The following TRANK1 variants were observed in gnomAD, a reference collection of about 807,000 sequenced individuals.
TRANK1 encodes tetratricopeptide repeat and ankyrin repeat containing 1.
A neutral mutation model predicts 266.0 loss-of-function variants in TRANK1; 198 were observed. The ratio of observed to expected loss-of-function variants is 0.74; its 90% CI spans 0.66 to 0.84. The LOEUF is 0.84. Ranked by LOEUF, TRANK1 falls within the 40% of genes least tolerant of loss-of-function variation. The pLI is 0.00. For synonymous variants in TRANK1, 1,396 were observed against 1,384.1 expected, an observed-to-expected ratio of 1.01 and a Z score of -0.19; for missense variants, 3,326 against 3,634.6, an observed-to-expected ratio of 0.92 and a Z score of 2.18.
At chr3:36,847,730 T>A (rs748507256) in intron 15 of TRANK1, among the ~76,000 whole-genome samples, 7 of 152,236 alleles carry the variant, frequency 4.6e-5, no homozygotes, top group Non-Finnish European at 1.0e-4. Context: ...GCCGTTAAGA[T>A]ACATGTGGCA....
At chr3:36,897,568 C>T (rs2079811218) in intron 4 of TRANK1, among the ~76,000 whole-genome samples, 1 of 152,192 alleles carries the variant, frequency 6.6e-6, no homozygotes, top group Non-Finnish European at 1.5e-5. Flanking sequence ...AAGTTGCTTT[C>T]CCACAACTGC....
chr3:36,830,319 TA>T (rs1284824798), intron 22 of TRANK1, among the ~76,000 whole-genome samples: 1,587 of 134,082 alleles, frequency 0.012, 15 homozygotes, highest in African/African-American at 0.036. Context: ...CATCTCTATT[TA>T]AAAAAAAAAA....
intron 18 of TRANK1, among the ~76,000 whole-genome samples, chr3:36,840,071 C>T (rs529259347): frequency 2.6e-5 from 4 of 152,010 alleles, no homozygotes; most frequent in Admixed American, 6.6e-5. Flanking sequence ...ATTTTTAAAG[C>T]GATAAATAAT....
At position 36,832,614 on chromosome 3, in the gene TRANK1, G is replaced by A. The variant is rs754646442; in HGVS notation, c.6969C>T (p.Arg2323=). The change falls in exon 22 of 24, where the codon CGC becomes CGT. Residue 2323 remains arginine, a synonymous_variant. Transcript: ENST00000645898. ...FLFENESARN[R]RESTDLWLSA... ...TCAGCCACAGGTCTGTGGATTCCCG[G>A]CGGTTGCGTGCGCTTTCATTTTCAA... The A allele has an allele frequency of 3.7e-6, 6 of 1,614,014 alleles. No individual in the cohort carries two copies. In the Admixed American group the frequency reaches 8.3e-5, roughly 22 times the overall value.
intron 18 of TRANK1, among the ~76,000 whole-genome samples, chr3:36,841,059 A>G (rs2078836834): frequency 6.6e-6 from 1 of 152,240 alleles, no homozygotes; most frequent in Non-Finnish European, 1.5e-5. Context: ...TTCTCCAGGC[A>G]TGTCAGATCA....
chr3:36,879,901 TGTAA>T (rs2079484703), intron 8 of TRANK1, among the ~76,000 whole-genome samples: 2 of 77,788 alleles, frequency 2.6e-5, no homozygotes, highest in Non-Finnish European at 4.5e-5. Flanking sequence ...TGCAAATATA[TGTAA>T]ACATGCAAAT....
Position 36,856,806 on chromosome 3 carries a change from C to A in TRANK1, c.2916G>T (p.Lys972Asn). Residue 972 changes from lysine to asparagine, a missense_variant, in exon 13 of 24, where the codon AAG becomes AAT. Lys to Asn is a moderately conservative substitution (Grantham distance 94). Coordinates refer to ENST00000645898, the MANE Select transcript of TRANK1 (RefSeq NM_001329998.2). Reference sequence around the variant, plus strand: ...GGCCTTTATTGATACCTTTCAGCTTCTTCCGCAGGACACAGGACAAGCCCC... The same window carrying A: ...GGCCTTTATTGATACCTTTCAGCTTATTCCGCAGGACACAGGACAAGCCCC... ...YNRGLSCVLR[K>N]KLKGINKGQV... The A allele has an allele frequency of 6.2e-7, 1 of 1,614,016 alleles. No individual in the cohort carries two copies. Among genetic ancestry groups the A allele is most frequent in the Non-Finnish European group, 8.5e-7 (1 of 1,179,898 alleles).
In TRANK1 at chr3:36,858,858, G is replaced by C; in HGVS notation, c.1532C>G (p.Pro511Arg). The C allele has an allele frequency of 6.5e-7, 1 of 1,537,066 alleles. No homozygotes were observed. The highest frequency in any genetic ancestry group is 8.7e-7 in the Non-Finnish European group (1 of 1,146,782). The change falls in exon 12 of 24, where the codon CCA (proline) becomes CGA (arginine). Residue 511 changes from proline (P) to arginine (R), a missense_variant. Coordinates refer to ENST00000645898, the MANE Select transcript of TRANK1 (RefSeq NM_001329998.2). ...PDGLQESQER[P>R]VVTCLKHEDF... is the part of the protein sequence containing the mutation. ...CTCATGTTTCAGGCACGTGACAACT[G>C]GCCTCTCCTGGCTCTCCTGAAGACC...
chr3:36,900,396 C>T lies in TRANK1; in HGVS notation c.283-1137G>A, dbSNP rs116145482. ...AGTTCTACATTATAAGCAATATTCA[C>T]GAGAGGCCAAAGAAATATTTGATTT... On this transcript the variant is annotated intron_variant, in intron 3 of 23. Coordinates refer to ENST00000645898, the MANE Select transcript of TRANK1 (RefSeq NM_001329998.2). 2.3e-3 allele frequency among the ~76,000 whole-genome samples: 355 copies of T among 151,962 alleles called. 4 individuals carry two copies. The highest frequency in any genetic ancestry group is 6.2e-3 in the African/African-American group (258 of 41,398).
At chr3:36,877,676 G>C (rs2079409126) in intron 8 of TRANK1, among the ~76,000 whole-genome samples, 1 of 152,202 alleles carries the variant, frequency 6.6e-6, no homozygotes, top group African/African-American at 2.4e-5. Flanking sequence ...AGAATGTACA[G>C]TGTACCTACA....
In TRANK1 at chr3:36,855,952, A is replaced by G; in HGVS notation, c.3770T>C (p.Leu1257Pro). The G allele has an allele frequency of 6.2e-7, 1 of 1,613,572 alleles. No individual in the cohort carries two copies. Among genetic ancestry groups the G allele is most frequent in the Non-Finnish European group, 8.5e-7 (1 of 1,179,854 alleles). The change falls in exon 13 of 24, where the codon CTG becomes CCG. Residue 1257 changes from leucine to proline, a missense_variant. Physicochemically the swap from Leu to Pro is moderately conservative, Grantham distance 98. Coordinates refer to ENST00000645898, the MANE Select transcript of TRANK1 (RefSeq NM_001329998.2). ...GTTTCTCAGAAAAAATGGTTTGGGCAGAGAAGCATCAAGCAGAAGAAGCAG... is the reference window on the plus strand; with the variant it reads ...GTTTCTCAGAAAAAATGGTTTGGGCGGAGAAGCATCAAGCAGAAGAAGCAG... Reference protein sequence around the residue: ...KQLLLLLDASLPKPFFLRNED... With the variant: ...KQLLLLLDASPPKPFFLRNED...
At chr3:36,848,649 G>T (rs1200502028) in intron 15 of TRANK1, among the ~76,000 whole-genome samples, 2 of 152,154 alleles carry the variant, frequency 1.3e-5, no homozygotes, top group Non-Finnish European at 2.9e-5. Context: ...AAATAGGAAT[G>T]GTTATGCTAC....
chr3:36,914,296 G>C (rs1403758892), intron 1 of TRANK1, among the ~76,000 whole-genome samples: 1 of 151,916 alleles, frequency 6.6e-6, no homozygotes, highest in Non-Finnish European at 1.5e-5. Flanking sequence ...ACCATGCCAG[G>C]CTAATTTTTG....
chr3:36,938,280 CTGGT>C (rs2080451248), intron 1 of TRANK1, among the ~76,000 whole-genome samples: 1 of 151,880 alleles, frequency 6.6e-6, no homozygotes, highest in Non-Finnish European at 1.5e-5. Context: ...GTGCAGTGGC[CTGGT>C]CTCGGCTCAC....
At position 36,857,408 on chromosome 3, in the gene TRANK1, C is replaced by G; in HGVS notation, c.2314G>C (p.Asp772His). ...GCCCCTGCACCCAGAGTCGGCTTGT[C>G]ATCTTTCTTTCCTTCTTTGCCAGCT... ...AGAGKEGKKD[D>H]KPTLGAGAPD... Residue 772 changes from aspartate to histidine, a missense_variant, in exon 13 of 24, where the codon GAC becomes CAC. Physicochemically the swap from Asp to His is moderately conservative, Grantham distance 81. Coordinates refer to ENST00000645898, the MANE Select transcript of TRANK1 (RefSeq NM_001329998.2). The surrounding 1 kb of genome is among the most constrained non-coding windows in gnomAD (Gnocchi z 4.3). 1.2e-6 allele frequency: 2 copies of G among 1,613,624 alleles called. No homozygotes were observed. The highest frequency in any genetic ancestry group is 2.2e-5 in the South Asian group (2 of 91,032).
In TRANK1 at chr3:36,828,375, C is replaced by A; in HGVS notation, c.8810G>T (p.Gly2937Val). Residue 2937 changes from glycine (G) to valine (V), a missense_variant and splice_region_variant, in exon 24 of 24, where the codon GGT becomes GTT. Gly to Val is a moderately radical substitution (Grantham distance 109). Transcript: ENST00000645898. ...MKTETRLKKE[G>V]IVQEDDYENE... ...TTCATAATCATCTTCCTGAACAATA[C>A]CTGAAGAAAGAAAGAAGGAAGGAAG... 6.9e-7 allele frequency: 1 copy of A among 1,447,262 alleles called. No individual in the cohort carries two copies. The allele number at this position is 1,447,262 out of a possible 1,614,324, so 89.7% of individuals were successfully genotyped here.
chr3:36,918,615 G>GAA (rs1205441140), intron 1 of TRANK1, among the ~76,000 whole-genome samples: 9 of 139,566 alleles, frequency 6.4e-5, no homozygotes, highest in African/African-American at 1.6e-4. Context: ...AGGAAAGAAA[G>GAA]AAAGAAAGAA....
At chr3:36,887,431 G>A (rs1575265659) in intron 8 of TRANK1, among the ~76,000 whole-genome samples, 1 of 152,078 alleles carries the variant, frequency 6.6e-6, no homozygotes, top group East Asian at 1.9e-4. Flanking sequence ...AAATGTATCT[G>A]TATACTAAAA....
At chr3:36,883,814 T>A (rs2079565237) in intron 8 of TRANK1, among the ~76,000 whole-genome samples, 1 of 152,094 alleles carries the variant, frequency 6.6e-6, no homozygotes, top group Admixed American at 6.5e-5. Flanking sequence ...TCAAACAGGA[T>A]GTGGGGCAAA....
Sources: gnomAD v4.1 joint callset for allele counts (sites outside exome capture counted in the v4.1 genomes callset) on GRCh38, gnomAD v4.1.1 for gene constraint, Gnocchi (gnomAD v3.1) non-coding constraint, MANE v1.5 for transcripts, NCBI Gene and HGNC (gene_info 2026-07-23, HGNC 2026-07-21) for gene names.